The following YES1 variants were observed in gnomAD, a reference collection of about 807,000 sequenced individuals.
YES1 encodes tyrosine-protein kinase Yes.
YES1 carries 39 observed loss-of-function variants against 70.4 expected under a neutral mutation model. That is an observed-to-expected ratio of 0.55 (90% CI 0.43 to 0.72). The LOEUF is 0.72. YES1 is among the 30% of genes least tolerant of loss of function. The pLI, the probability that YES1 is intolerant of heterozygous loss-of-function variation, is 0.00. For synonymous variants in YES1, 198 were observed against 218.6 expected, an observed-to-expected ratio of 0.91 and a Z score of 0.83; for missense variants, 495 against 644.8, an observed-to-expected ratio of 0.77 and a Z score of 2.52.
chr18:798,210 T>C (rs1242757247), intron 1 of YES1: 4 of 152,214 alleles, frequency 2.6e-5, no homozygotes, highest in African/African-American at 9.6e-5. Context: ...AATGAGAAGA[T>C]AAAAAGGAGA....
At chr18:743,715 G>A (rs2080242513) in intron 6 of YES1, among the ~76,000 whole-genome samples, 1 of 151,922 alleles carries the variant, frequency 6.6e-6, no homozygotes, top group Non-Finnish European at 1.5e-5. Context: ...AGACTAGCCT[G>A]GCCAATACAG....
Position 727,867 on chromosome 18 carries a change from G to C in YES1, c.1424-3235C>G, listed in dbSNP as rs73943188. 5.1e-3 allele frequency among the ~76,000 whole-genome samples: 780 copies of C among 152,188 alleles called. 6 individuals are homozygous for C. The highest frequency in any genetic ancestry group is 0.017 in the African/African-American group (720 of 41,506). On this transcript the variant is annotated intron_variant, in intron 11 of 11. Transcript: ENST00000314574. The stretch of plus-strand genomic sequence containing the variant: ...ACTCTTCCCTGGCTTCCATATCTGA[G>C]GAAAAGTTAGCTGTCTGACTGTTGT...
In YES1 at chr18:725,258, T is replaced by C. The variant is rs545408473; in HGVS notation, c.1424-626A>G. Reference sequence around the variant, plus strand: ...AATGCCTCCTTTTCCAAATTCTTCCTGATAGTGTCTCACTAAGCCAGCAAC... The same window carrying C: ...AATGCCTCCTTTTCCAAATTCTTCCCGATAGTGTCTCACTAAGCCAGCAAC... On this transcript the variant is annotated intron_variant, in intron 11 of 11. Coordinates refer to ENST00000314574, the MANE Select transcript of YES1 (RefSeq NM_005433.4). Among the ~76,000 whole-genome samples, 245 of 152,174 alleles carry C rather than the reference T, an allele frequency of 1.6e-3. 2 individuals are homozygous for C. The highest frequency in any genetic ancestry group is 6.8e-3 in the Middle Eastern group (2 of 294).
intron 2 of YES1, 96 bp downstream of exon 2, chr18:756,461 G>C (rs2080407281): frequency 1.6e-5 from 23 of 1,455,568 alleles, no homozygotes; most frequent in Non-Finnish European, 2.1e-5. Flanking sequence ...AAGTCCTCAA[G>C]TAAGATATCT....
intron 1 of YES1, among the ~76,000 whole-genome samples, chr18:792,561 GTA>G (rs1386970199): frequency 3.9e-5 from 4 of 102,574 alleles, no homozygotes; most frequent in Non-Finnish European, 8.0e-5. Flanking sequence ...CTCTCCCTCT[GTA>G]TATGTGTGTG....
At chr18:794,170 T>C (rs954191689) in intron 1 of YES1, among the ~76,000 whole-genome samples, 3 of 152,246 alleles carry the variant, frequency 2.0e-5, no homozygotes, top group African/African-American at 7.2e-5. Flanking sequence ...TCAAAGTTAA[T>C]ACTGCCAATA....
chr18:745,755 G>C lies in YES1; in HGVS notation c.677C>G (p.Thr226Ser). 1 of 1,613,248 alleles carries C rather than the reference G, an allele frequency of 6.2e-7. No individual in the cohort carries two copies. The highest frequency in any genetic ancestry group is 8.5e-7 in the Non-Finnish European group (1 of 1,179,734). ...CTGCAGAGTATCAAATTGTGCTCTG[G>C]TTGTGATATAGTATCCACCATTGTC... The part of the protein sequence containing the change: ...KLDNGGYYIT[T>S]RAQFDTLQKL... The change falls in exon 6 of 12, where the codon ACC (threonine) becomes AGC (serine). Residue 226 changes from threonine (T) to serine (S), a missense_variant. Physicochemically the swap from Thr to Ser is moderately conservative, Grantham distance 58. Coordinates refer to ENST00000314574, the MANE Select transcript of YES1 (RefSeq NM_005433.4).
At chr18:763,616 T>TCAC (rs1904706726) in intron 1 of YES1, among the ~76,000 whole-genome samples, 1 of 144,720 alleles carries the variant, frequency 6.9e-6, no homozygotes, top group South Asian at 2.2e-4. Flanking sequence ...GGTGGGAAGA[T>TCAC]CACCTGAGCC....
Position 742,548 on chromosome 18 carries a change from T to G in YES1, c.1060+370A>C, listed in dbSNP as rs532869565. ...TATGTTTATATTAAAATGAGAAAAC[T>G]AATTCATTTTAACTTTACCTTATTT... On this transcript the variant is annotated intron_variant, in intron 8 of 11. Transcript: ENST00000314574. 1.1e-4 allele frequency among the ~76,000 whole-genome samples: 17 copies of G among 152,280 alleles called. 1 individual carries two copies. Among genetic ancestry groups the G allele is most frequent in the South Asian group, 1.0e-3 (5 of 4,832 alleles).
Position 739,800 on chromosome 18 carries a change from C to G in YES1, c.1072G>C (p.Asp358His). 1.9e-6 allele frequency: 3 copies of G among 1,610,044 alleles called. No homozygotes were observed. Among genetic ancestry groups the G allele is most frequent in the Non-Finnish European group, 2.5e-6 (3 of 1,179,010 alleles). ...TEFMSKGSLL[D>H]FLKEGDGKYL... ...TTTCCATCTCCTTCCTTAAGGAAAT[C>G]TAATAAGCTTCCTGTAACAGACAGC... The change falls in exon 9 of 12, where the codon GAT (aspartate) becomes CAT (histidine). Residue 358 changes from aspartate to histidine, a missense_variant. Transcript: ENST00000314574.
At position 745,945 on chromosome 18, in the gene YES1, T is replaced by G; in HGVS notation, c.574+3A>C. 2.5e-6 allele frequency: 4 copies of G among 1,609,076 alleles called. No individual in the cohort carries two copies. The highest frequency in any genetic ancestry group is 3.4e-6 in the Non-Finnish European group (4 of 1,177,038). On this transcript the variant is annotated splice_donor_region_variant and intron_variant, in intron 5 of 11. Transcript: ENST00000314574. Reference sequence around the variant, plus strand: ...ACTTATACTAATATAACAATATTCATACCTTTAGTTGTTTCACTCTCTCTT... The same window carrying G: ...ACTTATACTAATATAACAATATTCAGACCTTTAGTTGTTTCACTCTCTCTT...
Position 724,388 on chromosome 18 carries a change from T to C in YES1, c.*36A>G. 2 of 1,558,122 alleles carry C rather than the reference T, an allele frequency of 1.3e-6. No individual in the cohort carries two copies. Among genetic ancestry groups the C allele is most frequent in the Non-Finnish European group, 1.8e-6 (2 of 1,135,258 alleles). On this transcript the variant is annotated 3_prime_UTR_variant, in exon 12 of 12. Transcript: ENST00000314574. Reference sequence around the variant, plus strand: ...AAAATCTACACAAGTTCTTTATATTTTGGCAGATTTGTGCATATAAAATAG... The same window carrying C: ...AAAATCTACACAAGTTCTTTATATTCTGGCAGATTTGTGCATATAAAATAG...
At chr18:802,707 T>A (rs1006865492) in intron 1 of YES1, among the ~76,000 whole-genome samples, 1 of 152,194 alleles carries the variant, frequency 6.6e-6, no homozygotes, top group Non-Finnish European at 1.5e-5. Context: ...GCCCTAGGTT[T>A]AAATCCCAGT....
intron 1 of YES1, among the ~76,000 whole-genome samples, chr18:767,776 C>T (rs1293908786): frequency 2.6e-5 from 4 of 152,156 alleles, no homozygotes; most frequent in Non-Finnish European, 1.5e-5. Context: ...TCTCGGTTCA[C>T]TGCAACCTCC....
At chr18:771,529 G>T (rs760513767) in intron 1 of YES1, among the ~76,000 whole-genome samples, 2 of 152,078 alleles carry the variant, frequency 1.3e-5, no homozygotes, top group Non-Finnish European at 2.9e-5. Flanking sequence ...CCACTCCGTG[G>T]CATTTTTCTT....
intron 2 of YES1, among the ~76,000 whole-genome samples, chr18:753,754 A>G (rs1279927078): frequency 6.6e-6 from 1 of 152,160 alleles, no homozygotes; most frequent in Admixed American, 6.5e-5. Context: ...CCAAAGTGCT[A>G]GAATTAAAGG....
In YES1 at chr18:724,470, T is replaced by TA; in HGVS notation, c.1585dup (p.Tyr529LeufsTer35). 1 of 1,614,216 alleles carries TA rather than the reference T, an allele frequency of 6.2e-7. No homozygotes were observed. The stretch of plus-strand genomic sequence containing the variant: ...GTACTGTGGCTCTGTAGCAGTGAAG[T>TA]AGTCTTCCAAGAAGGACTGAATATA... On this transcript the variant is annotated frameshift_variant, in exon 12 of 12. Coordinates refer to ENST00000314574, the MANE Select transcript of YES1 (RefSeq NM_005433.4). LOFTEE classifies it high-confidence loss of function.
At chr18:755,767 A>T (rs2080398818) in intron 2 of YES1, among the ~76,000 whole-genome samples, 1 of 152,154 alleles carries the variant, frequency 6.6e-6, no homozygotes, top group African/African-American at 2.4e-5. Flanking sequence ...GTCCTTGATG[A>T]CACCATGGAA....
intron 10 of YES1, among the ~76,000 whole-genome samples, chr18:735,043 G>C (rs1336052567): frequency 6.6e-6 from 1 of 151,996 alleles, no homozygotes; most frequent in Non-Finnish European, 1.5e-5. Flanking sequence ...TGTAATCCCA[G>C]CTACAGGGGA....
Sources: allele counts gnomAD v4.1 joint callset (sites outside exome capture counted in the v4.1 genomes callset), GRCh38; gene constraint gnomAD v4.1.1; transcripts MANE v1.5; gene names NCBI Gene and HGNC (gene_info 2026-07-23, HGNC 2026-07-21).